Variants in SOX5 observed in about 807,000 individuals in gnomAD.
The protein encoded by SOX5 is SRY-box transcription factor 5.
In SOX5, 9 loss-of-function variants were observed where a neutral mutation model predicts 92.0. That is an observed-to-expected ratio of 0.10 (90% CI 0.06 to 0.17). The LOEUF (loss-of-function observed/expected upper bound fraction) is 0.17. Ranked by LOEUF, SOX5 falls within the 10% of genes least tolerant of loss-of-function variation. The pLI is 1.00. For synonymous variants in SOX5, 344 were observed against 336.3 expected (o/e 1.02, Z -0.25); for missense variants, 642 against 944.5 (o/e 0.68, Z 4.20).
chr12:23,780,072 C>T (rs1443686380), intron 3 of SOX5, among the ~76,000 whole-genome samples: 1 of 150,080 alleles, frequency 6.7e-6, no homozygotes, highest in African/African-American at 2.4e-5. Flanking sequence ...GTTGTCTTGA[C>T]AAGAATTTTT....
intron 1 of SOX5, among the ~76,000 whole-genome samples, chr12:23,900,016 A>C (rs1408804292): frequency 6.6e-6 from 1 of 152,210 alleles, no homozygotes; most frequent in Admixed American, 6.5e-5. Context: ...TCAAGGAAAA[A>C]GGATAAACAA....
At chr12:24,103,353 T>A (rs1222724586) in intron 4 of SOX5, among the ~76,000 whole-genome samples, 1 of 60,342 alleles carries the variant, frequency 1.7e-5, no homozygotes, top group East Asian at 8.8e-3. Flanking sequence ...TTTCTCAATA[T>A]CTTTTTTTTT....
At chr12:24,077,510 G>A (rs1280492731) in intron 4 of SOX5, among the ~76,000 whole-genome samples, 1 of 151,888 alleles carries the variant, frequency 6.6e-6, no homozygotes, top group Non-Finnish European at 1.5e-5. Context: ...ACAGTTAACT[G>A]TTGGAGAGTT....
intron 9 of SOX5, among the ~76,000 whole-genome samples, chr12:23,595,924 G>A (rs1817321755): frequency 6.6e-6 from 1 of 152,032 alleles, no homozygotes; most frequent in Admixed American, 6.6e-5. Flanking sequence ...CCATAACAAT[G>A]AAGAAAATAA....
At position 24,398,438 on chromosome 12, in the gene SOX5, A is replaced by G. The variant is rs144852917; in HGVS notation, c.-250-29799T>C. Among the ~76,000 whole-genome samples, 330 of 152,294 alleles carry G rather than the reference A, an allele frequency of 2.2e-3. 1 individual carries two copies. The highest frequency in any genetic ancestry group is 7.4e-3 in the African/African-American group (307 of 41,556). On this transcript the variant is annotated intron_variant, in intron 1 of 4. Transcript: ENST00000446891. ...AAGATCACTTGAGCCCAGGAGGCTG[A>G]GGCTACAGTGAGCCAGGTTTGCACC...
rs112892985 is a variant in SOX5 at position 24,198,430 on chromosome 12, C to G, written c.-2+14913G>C. Among the ~76,000 whole-genome samples, 265 of 152,268 alleles carry G rather than the reference C, an allele frequency of 1.7e-3. 1 individual carries two copies. Among genetic ancestry groups the G allele is most frequent in the Non-Finnish European group, 3.1e-3 (208 of 68,018 alleles). ...TGTTTATCTGGATCTCTCTATTGAG[C>G]TGTTTGTGGGTATGCTTCTATCTAT... On this transcript the variant is annotated intron_variant, in intron 4 of 4. Coordinates refer to the SOX5 transcript ENST00000446891.
chr12:24,093,690 CCT>C (rs1491288981), intron 4 of SOX5, among the ~76,000 whole-genome samples: 2 of 120,818 alleles, frequency 1.7e-5, no homozygotes, highest in African/African-American at 5.9e-5. Context: ...TTTTGGTTGT[CCT>C]TTTTTTTTTT....
At chr12:23,940,047 T>A (rs1943329382) in intron 1 of SOX5, among the ~76,000 whole-genome samples, 1 of 151,178 alleles carries the variant, frequency 6.6e-6, no homozygotes, top group Non-Finnish European at 1.5e-5. Flanking sequence ...TTCTTCATAT[T>A]TTTTCTTTTC....
intron 4 of SOX5, among the ~76,000 whole-genome samples, chr12:23,968,521 A>G (rs1006881819): frequency 1.3e-5 from 2 of 152,164 alleles, no homozygotes; most frequent in Non-Finnish European, 2.9e-5. Flanking sequence ...GTTTCTTATC[A>G]AAGGACAAAT....
At chr12:23,887,611 C>T (rs2137362635) in intron 2 of SOX5, among the ~76,000 whole-genome samples, 1 of 152,224 alleles carries the variant, frequency 6.6e-6, no homozygotes, top group East Asian at 1.9e-4. Flanking sequence ...CCAAGTATTT[C>T]ATCATTCTCT....
In SOX5 at chr12:24,320,844, G is replaced by A. The variant is rs1346565420; in HGVS notation, c.-173-43532C>T. Among the ~76,000 whole-genome samples, 3 of 146,344 alleles carry A rather than the reference G, an allele frequency of 2.0e-5. No homozygotes were observed. The East Asian group carries it at 6.2e-4, about 30-fold the overall frequency. ...GGCGCCACTACACTCCAGCCTGGGC[G>A]ACAGAGCAAGACTCTGTCTCAAAAA... On this transcript the variant is annotated intron_variant, in intron 2 of 4. Coordinates refer to the SOX5 transcript ENST00000446891.
chr12:23,917,234 G>A (rs2097426086), intron 1 of SOX5, among the ~76,000 whole-genome samples: 2 of 151,968 alleles, frequency 1.3e-5, no homozygotes, highest in African/African-American at 4.8e-5. Context: ...GGTACATTTA[G>A]GCTCAGTATT....
chr12:24,166,393 T>C (rs1953410464), intron 4 of SOX5, among the ~76,000 whole-genome samples: 2 of 152,148 alleles, frequency 1.3e-5, no homozygotes, highest in Admixed American at 6.5e-5. Context: ...GAAATATAAA[T>C]GTGTGTGTCA....
intron 2 of SOX5, among the ~76,000 whole-genome samples, chr12:23,893,527 T>C (rs1450968687): frequency 1.3e-5 from 2 of 152,136 alleles, no homozygotes; most frequent in African/African-American, 4.8e-5. Context: ...TATGTATGTA[T>C]CAGTTTAATA....
intron 4 of SOX5, among the ~76,000 whole-genome samples, chr12:24,056,370 T>C (rs959028074): frequency 6.6e-6 from 1 of 152,228 alleles, no homozygotes; most frequent in Non-Finnish European, 1.5e-5. Flanking sequence ...TTCAACTCTA[T>C]TTAATCCTGT....
At position 24,403,689 on chromosome 12, in the gene SOX5, T is replaced by C. The variant is rs117594357; in HGVS notation, c.-250-35050A>G. ...TTATTTACATGGCCAACAGTCTACT[T>C]TACTTAAAATCACGGTTAGATCCCT... On this transcript the variant is annotated intron_variant, in intron 1 of 4. Coordinates refer to the SOX5 transcript ENST00000446891. Among the ~76,000 whole-genome samples, 51 of 152,314 alleles carry C rather than the reference T, an allele frequency of 3.3e-4. No homozygotes were observed. The South Asian group carries it at 4.6e-3, about 14-fold the overall frequency.
chr12:23,973,800 G>A lies in SOX5; in HGVS notation c.-1-77776C>T, dbSNP rs545568397. The stretch of plus-strand genomic sequence containing the variant: ...CTCTGTCTCTTTCTGTCAGATCAGC[G>A]GAGGCATTAGATTCTCATAGGAGTG... On this transcript the variant is annotated intron_variant, in intron 4 of 4. Transcript: ENST00000446891. 2.6e-5 allele frequency among the ~76,000 whole-genome samples: 4 copies of A among 152,280 alleles called. No individual in the cohort carries two copies. In the East Asian group the frequency reaches 5.8e-4, roughly 22 times the overall value.
chr12:24,145,310 G>A (rs1485468911), intron 4 of SOX5, among the ~76,000 whole-genome samples: 1 of 151,966 alleles, frequency 6.6e-6, no homozygotes, highest in Non-Finnish European at 1.5e-5. Context: ...GAAAACAAAT[G>A]CAAGATGGTA....
At chr12:24,070,519 A>G (rs1186774746) in intron 4 of SOX5, among the ~76,000 whole-genome samples, 2 of 152,104 alleles carry the variant, frequency 1.3e-5, no homozygotes, top group African/African-American at 2.4e-5. Flanking sequence ...TGTTCCTCCA[A>G]CTACTTTCAG....
Sources: allele counts gnomAD v4.1 joint callset (sites outside exome capture counted in the v4.1 genomes callset), GRCh38; gene constraint gnomAD v4.1.1; transcripts MANE v1.5; gene names NCBI Gene and HGNC (gene_info 2026-07-23, HGNC 2026-07-21).